Variants in NHEJ1 observed in about 807,000 individuals in gnomAD.
The protein encoded by NHEJ1 is non-homologous end-joining factor 1.
In NHEJ1, 22 loss-of-function variants were observed where a neutral mutation model predicts 39.4. The ratio of observed to expected loss-of-function variants is 0.56; its 90% CI spans 0.40 to 0.80. The LOEUF is 0.80. Ranked by LOEUF, NHEJ1 falls within the 30% of genes least tolerant of loss-of-function variation. The pLI is 0.00. For synonymous variants in NHEJ1, 154 were observed against 135.6 expected (o/e 1.14, Z -0.94); for missense variants, 329 against 357.1 (o/e 0.92, Z 0.63).
chr2:219,129,028 A>T (rs765821726), intron 5 of NHEJ1, among the ~76,000 whole-genome samples: 8 of 152,206 alleles, frequency 5.3e-5, no homozygotes, highest in Non-Finnish European at 8.8e-5. Flanking sequence ...ATACCACTCT[A>T]ACAAAGGCCA....
intron 6 of NHEJ1, among the ~76,000 whole-genome samples, chr2:219,077,650 A>ATTT (rs55769287): frequency 6.8e-6 from 1 of 146,210 alleles, no homozygotes; most frequent in Non-Finnish European, 1.5e-5. Context: ...ATGGAGATTA[A>ATTT]TTTTTTTTTT....
intron 5 of NHEJ1, among the ~76,000 whole-genome samples, chr2:219,126,095 G>A (rs1183681442): frequency 2.0e-5 from 3 of 152,154 alleles, no homozygotes; most frequent in African/African-American, 7.2e-5. Context: ...GACCTTCTGT[G>A]TAATGATATT....
At chr2:219,100,590 G>A (rs1297504332) in intron 5 of NHEJ1, among the ~76,000 whole-genome samples, 1 of 146,336 alleles carries the variant, frequency 6.8e-6, no homozygotes, top group South Asian at 2.2e-4. Flanking sequence ...CAGCCTGGGC[G>A]ACAGAATAAG....
chr2:219,104,057 G>GT (rs547436645), intron 5 of NHEJ1, among the ~76,000 whole-genome samples: 77 of 150,796 alleles, frequency 5.1e-4, no homozygotes, highest in South Asian at 1.1e-3. Flanking sequence ...TTCTGGTTTT[G>GT]TTTTTTTTTG....
At chr2:219,083,203 C>CA (rs1273790795) in intron 5 of NHEJ1, among the ~76,000 whole-genome samples, 1 of 152,086 alleles carries the variant, frequency 6.6e-6, no homozygotes, top group Admixed American at 6.5e-5. Flanking sequence ...GAGGGGAGAT[C>CA]ACCAACAAAT....
At chr2:219,159,584 T>TGCATATAG (rs5838723) in intron 1 of NHEJ1, among the ~76,000 whole-genome samples, 1 of 116,536 alleles carries the variant, frequency 8.6e-6, no homozygotes, top group Non-Finnish European at 1.6e-5. Context: ...TGCATATATA[T>TGCATATAG]ATGCATATAT....
chr2:219,091,417 C>A (rs900711136), intron 5 of NHEJ1, among the ~76,000 whole-genome samples: 1 of 151,834 alleles, frequency 6.6e-6, no homozygotes, highest in Non-Finnish European at 1.5e-5. Context: ...CGGTATCGGG[C>A]AAGAAACACA....
intron 5 of NHEJ1, among the ~76,000 whole-genome samples, chr2:219,080,860 T>C (rs888738454): frequency 6.6e-6 from 1 of 152,060 alleles, no homozygotes; most frequent in Non-Finnish European, 1.5e-5. Context: ...TGGTAGGCAC[T>C]AGCATGACCC....
chr2:219,127,655 C>G (rs1949538003), intron 5 of NHEJ1, among the ~76,000 whole-genome samples: 1 of 152,202 alleles, frequency 6.6e-6, no homozygotes, highest in Non-Finnish European at 1.5e-5. Flanking sequence ...TAACAGAAGA[C>G]CAAGATATGC....
chr2:219,151,469 T>C lies in NHEJ1; in HGVS notation c.391-3674A>G, dbSNP rs182254515. Among the ~76,000 whole-genome samples the C allele has an allele frequency of 5.9e-5, 9 of 152,354 alleles. No homozygotes were observed. In the East Asian group the frequency reaches 1.5e-3, roughly 26 times the overall value. On this transcript the variant is annotated intron_variant, in intron 3 of 7. Transcript: ENST00000356853. The stretch of plus-strand genomic sequence containing the variant: ...CACATCAGGCAACTGAAATTATCTA[T>C]CAGACCCCAATGTCTATTTGGTTTA...
chr2:219,113,061 C>T (rs1949380214), intron 5 of NHEJ1, among the ~76,000 whole-genome samples: 1 of 152,174 alleles, frequency 6.6e-6, no homozygotes, highest in African/African-American at 2.4e-5. Flanking sequence ...AGGCAACTAT[C>T]ACGGCATATG....
chr2:219,112,849 A>C (rs1404451333), intron 5 of NHEJ1, among the ~76,000 whole-genome samples: 1 of 152,122 alleles, frequency 6.6e-6, no homozygotes, highest in African/African-American at 2.4e-5. Context: ...AAAAGACCAG[A>C]TCCATCTCCA....
intron 5 of NHEJ1, among the ~76,000 whole-genome samples, chr2:219,121,175 C>T (rs1949467844): frequency 6.6e-6 from 1 of 151,562 alleles, no homozygotes; most frequent in South Asian, 2.1e-4. Context: ...CATTGCACTC[C>T]AGCCTGGGCA....
intron 5 of NHEJ1, among the ~76,000 whole-genome samples, chr2:219,141,367 G>A (rs1460608159): frequency 8.2e-5 from 12 of 147,094 alleles, no homozygotes; most frequent in Non-Finnish European, 1.6e-4. Flanking sequence ...GCAACAGAGT[G>A]AGACTTGGTC....
chr2:219,144,125 C>T (rs1235647759), intron 5 of NHEJ1, among the ~76,000 whole-genome samples: 1 of 151,978 alleles, frequency 6.6e-6, no homozygotes, highest in Non-Finnish European at 1.5e-5. Flanking sequence ...CTCTTGAACC[C>T]GGGAGGCAGA....
intron 3 of NHEJ1, among the ~76,000 whole-genome samples, chr2:219,148,085 C>T (rs1356052081): frequency 6.6e-6 from 1 of 152,162 alleles, no homozygotes; most frequent in African/African-American, 2.4e-5. Flanking sequence ...ATGGCCAAAC[C>T]CTATCTCTAC....
intron 5 of NHEJ1, among the ~76,000 whole-genome samples, chr2:219,144,494 C>T (rs755191455): frequency 2.6e-5 from 4 of 151,920 alleles, no homozygotes; most frequent in East Asian, 1.9e-4. Context: ...GAGTACAGAA[C>T]GGTCTCCCAA....
At chr2:219,133,188 A>G (rs1574732120) in intron 5 of NHEJ1, among the ~76,000 whole-genome samples, 1 of 152,242 alleles carries the variant, frequency 6.6e-6, no homozygotes, top group Non-Finnish European at 1.5e-5. Flanking sequence ...TACAGGACTC[A>G]GCCTTTATAG....
Position 219,157,516 on chromosome 2 carries a change from G to T in NHEJ1, c.346C>A (p.Pro116Thr), listed in dbSNP as rs1024943702. ...ATGCAGTGGAAATTCCAATAGAAGG[G>T]GAGGCCAGAGAGCTCACTTCGCACC... The part of the protein sequence containing the change: ...LRVRSELSGL[P>T]FYWNFHCMLA... Residue 116 changes from proline to threonine, a missense_variant, in exon 3 of 8, where the codon CCC becomes ACC. Coordinates refer to ENST00000356853, the MANE Select transcript of NHEJ1 (RefSeq NM_024782.3). The T allele has an allele frequency of 1.2e-6, 2 of 1,614,006 alleles. No individual in the cohort carries two copies. Among genetic ancestry groups the T allele is most frequent in the Non-Finnish European group, 1.7e-6 (2 of 1,180,044 alleles).
Sources: gnomAD v4.1 joint callset for allele counts (sites outside exome capture counted in the v4.1 genomes callset) on GRCh38, gnomAD v4.1.1 for gene constraint, MANE v1.5 for transcripts, NCBI Gene and HGNC (gene_info 2026-07-23, HGNC 2026-07-21) for gene names.